The following EEF2K variants were observed in gnomAD, a reference collection of about 807,000 sequenced individuals.
EEF2K encodes the protein eukaryotic elongation factor 2 kinase.
Under a neutral mutation model 93.8 loss-of-function variants are expected in EEF2K, and 70 were observed. The ratio of observed to expected loss-of-function variants is 0.75; its 90% CI spans 0.62 to 0.91. The LOEUF (loss-of-function observed/expected upper bound fraction) is 0.91. Among genes scored for constraint, EEF2K ranks in the 40% least tolerant of loss-of-function variants. EEF2K has a pLI of 0.00. For missense variants in EEF2K, 935 were observed against 972.9 expected, an observed-to-expected ratio of 0.96 and a Z score of 0.52; for synonymous variants, 376 against 380.8, an observed-to-expected ratio of 0.99 and a Z score of 0.15.
intron 2 of EEF2K, among the ~76,000 whole-genome samples, chr16:22,238,562 G>A (rs1392230884): frequency 6.7e-6 from 1 of 149,354 alleles, no homozygotes; most frequent in East Asian, 2.0e-4. Context: ...GAGAAGATTC[G>A]TTGAGCCCAG....
Position 22,288,614 on chromosome 16 carries a change from C to G in EEF2K, c.*4618C>G, listed in dbSNP as rs2047771334. On this transcript the variant is annotated 3_prime_UTR_variant, in exon 18 of 18. Coordinates refer to ENST00000263026, the MANE Select transcript of EEF2K (RefSeq NM_013302.5). ...TGCCTCTTAATTGTGTTTCTAGTCTCTAAGGTGACCCTTTAACCTACTCAA... is the reference window on the plus strand; with the variant it reads ...TGCCTCTTAATTGTGTTTCTAGTCTGTAAGGTGACCCTTTAACCTACTCAA... The G allele has an allele frequency of 6.6e-6, 1 of 152,196 alleles. No individual in the cohort carries two copies. The highest frequency in any genetic ancestry group is 1.5e-5 in the Non-Finnish European group (1 of 68,040). The allele number at this position is 152,196 out of a possible 1,614,324, so 9.4% of individuals were successfully genotyped here.
At chr16:22,276,579 A>G (rs2047637858) in intron 16 of EEF2K, among the ~76,000 whole-genome samples, 1 of 152,178 alleles carries the variant, frequency 6.6e-6, no homozygotes, top group South Asian at 2.1e-4. Flanking sequence ...GCGAAGGAGA[A>G]GGTGCTAGAA....
chr16:22,229,539 C>T (rs4783447), intron 2 of EEF2K, among the ~76,000 whole-genome samples: 14,017 of 152,110 alleles, frequency 0.092, 883 homozygotes, highest in East Asian at 0.3. Flanking sequence ...CCCGTCTCTA[C>T]GAAAACACAA....
chr16:22,263,389 A>G, intron 12 of EEF2K: 2 of 294,240 alleles, frequency 6.8e-6, no homozygotes, highest in Non-Finnish European at 6.4e-6. Flanking sequence ...CGGGTGGATC[A>G]CCTGACATCA....
intron 15 of EEF2K, among the ~76,000 whole-genome samples, chr16:22,268,601 G>A (rs1165785184): frequency 6.6e-6 from 1 of 151,946 alleles, no homozygotes; most frequent in African/African-American, 2.4e-5. Flanking sequence ...TGAGTAGCTC[G>A]GACTATAGGC....
intron 2 of EEF2K, among the ~76,000 whole-genome samples, chr16:22,241,636 CAAAAAAAAAAAAA>C (rs71151666): frequency 8.1e-5 from 4 of 49,182 alleles, no homozygotes; most frequent in Admixed American, 2.6e-4. Flanking sequence ...GAGACTGTCT[CAAAAAAAAAAAAA>C]AAAAAAAAAA....
At chr16:22,247,989 C>T (rs931371626) in intron 3 of EEF2K, among the ~76,000 whole-genome samples, 3 of 152,062 alleles carry the variant, frequency 2.0e-5, no homozygotes, top group Admixed American at 2.0e-4. Flanking sequence ...TTATGATCAG[C>T]ATATTATTTA....
chr16:22,282,771 A>G (rs1403801890), intron 17 of EEF2K, among the ~76,000 whole-genome samples: 2 of 152,186 alleles, frequency 1.3e-5, no homozygotes, highest in African/African-American at 4.8e-5. Flanking sequence ...TAAATTATCT[A>G]GTCTGTGGAA....
chr16:22,213,337 C>T (rs1379522714), intron 1 of EEF2K, among the ~76,000 whole-genome samples: 1 of 152,138 alleles, frequency 6.6e-6, no homozygotes, highest in African/African-American at 2.4e-5. Context: ...TTCTCAGCCT[C>T]GGCACTGACA....
chr16:22,244,004 G>C (rs902730086), intron 2 of EEF2K, among the ~76,000 whole-genome samples: 1 of 151,766 alleles, frequency 6.6e-6, no homozygotes, highest in Non-Finnish European at 1.5e-5. Context: ...AAGGCGGGTG[G>C]ATCACTTGAG....
intron 13 of EEF2K, among the ~76,000 whole-genome samples, chr16:22,265,488 G>A (rs1206381068): frequency 6.6e-6 from 1 of 152,176 alleles, no homozygotes; most frequent in Non-Finnish European, 1.5e-5. Flanking sequence ...CTGGATCCCA[G>A]GGCCCCTCGT....
chr16:22,280,374 C>A lies in EEF2K; in HGVS notation c.2066C>A (p.Ser689Ter). The A allele has an allele frequency of 1.3e-6, 2 of 1,525,642 alleles. No homozygotes were observed. The highest frequency in any genetic ancestry group is 2.5e-5 in the East Asian group (1 of 40,304). 94.5% of individuals were successfully genotyped at this position (1,525,642 alleles called of 1,614,324 possible). ...GYGLEKDPQR[S>*]GDLYTQAAEA... is the part of the protein sequence containing the mutation. ...GGGCTGGAGAAGGACCCGCAGAGAT[C>A]AGGTAGGGCCTGGCAGACCTGCCCC... The change falls in exon 17 of 18, where the codon TCA (serine) becomes TAA (stop). Residue 689 changes from serine to a stop codon, truncating the protein, a stop_gained and splice_region_variant. Transcript: ENST00000263026. LOFTEE classifies it high-confidence loss of function.
intron 15 of EEF2K, among the ~76,000 whole-genome samples, chr16:22,272,553 G>A (rs921234085): frequency 5.9e-5 from 9 of 152,206 alleles, no homozygotes; most frequent in Non-Finnish European, 1.3e-4. Flanking sequence ...TAGGGGTAGA[G>A]GGAGATTGAC....
chr16:22,238,300 G>A (rs556490690), intron 2 of EEF2K, among the ~76,000 whole-genome samples: 3 of 151,952 alleles, frequency 2.0e-5, no homozygotes, highest in Admixed American at 1.3e-4. Context: ...CTCCCTGCCC[G>A]GGGGGAATAC....
At position 22,216,782 on chromosome 16, in the gene EEF2K, G is replaced by T. The variant is rs118090220; in HGVS notation, c.-76-8872G>T. 4.6e-3 allele frequency among the ~76,000 whole-genome samples: 703 copies of T among 152,046 alleles called. 2 individuals carry two copies. The highest frequency in any genetic ancestry group is 8.2e-3 in the Non-Finnish European group (557 of 67,984). On this transcript the variant is annotated intron_variant, in intron 1 of 17. Coordinates refer to ENST00000263026, the MANE Select transcript of EEF2K (RefSeq NM_013302.5). The stretch of plus-strand genomic sequence containing the variant: ...ACCTACCAGTGTAGGGATAGGGTGG[G>T]GAAGGGAAGTAGTAAGGGGAAGTAG...
At position 22,248,972 on chromosome 16, in the gene EEF2K, A is replaced by ATT. The variant is rs201664759; in HGVS notation, c.408+175_408+176dup. ...TGTTTATTTATTGGTTGTAGCCAGC[A>ATT]TTTTTTTTTTTTTTTTTTTGAGACA... On this transcript the variant is annotated intron_variant, in intron 4 of 17. Transcript: ENST00000263026. 2.1e-3 allele frequency among the ~76,000 whole-genome samples: 270 copies of ATT among 126,506 alleles called. 1 individual carries two copies. Among genetic ancestry groups the ATT allele is most frequent in the African/African-American group, 7.5e-3 (250 of 33,240 alleles). The allele number at this position is 126,506 out of a possible 152,430, so 83.0% of individuals were successfully genotyped here.
At chr16:22,235,081 G>A (rs2047154931) in intron 2 of EEF2K, among the ~76,000 whole-genome samples, 2 of 151,458 alleles carry the variant, frequency 1.3e-5, no homozygotes, top group South Asian at 4.2e-4. Flanking sequence ...GGGCATGGGG[G>A]CGCACACCTG....
At chr16:22,260,705 G>T (rs1046500154) in intron 11 of EEF2K, among the ~76,000 whole-genome samples, 176 bp downstream of exon 11, 3 of 152,210 alleles carry the variant, frequency 2.0e-5, no homozygotes, top group Non-Finnish European at 2.9e-5. Context: ...TCCAGTCCAA[G>T]GCTGAGCTTT....
intron 15 of EEF2K, 49 bp downstream of exon 15, chr16:22,266,925 A>C (rs780605247): frequency 6.5e-7 from 1 of 1,549,618 alleles, no homozygotes; most frequent in Non-Finnish European, 8.7e-7. Context: ...GGACTTGGTC[A>C]CCCTGTGGTT....
Sources: allele counts gnomAD v4.1 joint callset (sites outside exome capture counted in the v4.1 genomes callset), GRCh38; gene constraint gnomAD v4.1.1; transcripts MANE v1.5; gene names NCBI Gene and HGNC (gene_info 2026-07-23, HGNC 2026-07-21).